The following RGS6 variants were observed in gnomAD, a reference collection of about 807,000 sequenced individuals.
The protein encoded by RGS6 is regulator of G-protein signaling 6.
A neutral mutation model predicts 78.5 loss-of-function variants in RGS6; 30 were observed. That is an observed-to-expected ratio of 0.38 (90% CI 0.29 to 0.52). RGS6 has a LOEUF of 0.52. Ranked by LOEUF, RGS6 falls within the 20% of genes least tolerant of loss-of-function variation. The pLI is 0.85. For synonymous variants in RGS6, 206 were observed against 206.0 expected, an observed-to-expected ratio of 1.00 and a Z score of 0.00; for missense variants, 495 against 609.7, an observed-to-expected ratio of 0.81 and a Z score of 1.98.
intron 3 of RGS6, among the ~76,000 whole-genome samples, chr14:72,415,442 C>A (rs1290820810): frequency 6.6e-6 from 1 of 152,232 alleles, no homozygotes; most frequent in Non-Finnish European, 1.5e-5. Flanking sequence ...GTCTGTCACC[C>A]CTTTCTTTGA....
chr14:72,442,369 A>T (rs2283381), intron 3 of RGS6, among the ~76,000 whole-genome samples: 16 of 151,968 alleles, frequency 1.1e-4, no homozygotes, highest in African/African-American at 3.1e-4. Flanking sequence ...CCACTGCTCA[A>T]TCAATCTCTT....
At position 72,392,187 on chromosome 14, in the gene RGS6, A is replaced by AATATATAT. The variant is rs59588686; in HGVS notation, c.184+40002_184+40009dup. 2.2e-3 allele frequency among the ~76,000 whole-genome samples: 326 copies of AATATATAT among 149,366 alleles called. 6 individuals carry two copies. The South Asian group carries it at 0.039, about 18-fold the overall frequency. ...ATATATATATACACATACATACACA[A>AATATATAT]ATATATATATATATATTTGTCACAA... is the stretch of plus-strand genomic sequence containing the variant. On this transcript the variant is annotated intron_variant, in intron 3 of 17. Coordinates refer to ENST00000553525, the MANE Select transcript of RGS6 (RefSeq NM_001204424.2).
chr14:72,385,060 T>C (rs963083803), intron 3 of RGS6, among the ~76,000 whole-genome samples: 12 of 152,180 alleles, frequency 7.9e-5, no homozygotes, highest in Non-Finnish European at 1.5e-4. Context: ...GGTTTGCATA[T>C]TTGTAACGGT....
chr14:71,971,810 A>G (rs762427932), intron 2 of RGS6, among the ~76,000 whole-genome samples: 3 of 151,528 alleles, frequency 2.0e-5, no homozygotes, highest in Non-Finnish European at 2.9e-5. Context: ...GGGCCGTTGG[A>G]ATGGTGGACT....
At chr14:72,142,983 A>G (rs983311253) in intron 2 of RGS6, among the ~76,000 whole-genome samples, 13 of 152,310 alleles carry the variant, frequency 8.5e-5, no homozygotes, top group Admixed American at 3.9e-4. Context: ...TCTTACTGAT[A>G]TCAGTGGCCA....
chr14:72,331,119 G>A (rs1238749479), intron 2 of RGS6, among the ~76,000 whole-genome samples: 1 of 152,120 alleles, frequency 6.6e-6, no homozygotes, highest in African/African-American at 2.4e-5. Context: ...GAGGACACAA[G>A]GTCACCTGGC....
At chr14:72,413,363 C>G (rs2093571502) in intron 3 of RGS6, among the ~76,000 whole-genome samples, 1 of 152,120 alleles carries the variant, frequency 6.6e-6, no homozygotes, top group Non-Finnish European at 1.5e-5. Context: ...GGTTTAAAGT[C>G]TGTTTTATCA....
At chr14:72,091,152 A>G (rs1157043499) in intron 2 of RGS6, among the ~76,000 whole-genome samples, 3 of 151,984 alleles carry the variant, frequency 2.0e-5, no homozygotes, top group Non-Finnish European at 4.4e-5. Context: ...ACAGATCTGC[A>G]GTGCCCTTGC....
chr14:72,452,337 G>A (rs1274104526), intron 3 of RGS6, among the ~76,000 whole-genome samples: 2 of 152,102 alleles, frequency 1.3e-5, no homozygotes, highest in Admixed American at 6.5e-5. Context: ...GTGAGGAGAA[G>A]CCTAGAAGTG....
the RGS6 span, among the ~76,000 whole-genome samples, chr14:72,607,596 G>C: frequency 6.6e-6 from 1 of 152,346 alleles, no homozygotes; most frequent in South Asian, 2.1e-4. Context: ...CGGGTTCCCT[G>C]GGGTTAAAGC....
chr14:72,279,265 C>T (rs2153946890), intron 2 of RGS6, among the ~76,000 whole-genome samples: 1 of 152,162 alleles, frequency 6.6e-6, no homozygotes, highest in East Asian at 1.9e-4. Context: ...TGTATGTATC[C>T]TGGAGGAGAT....
chr14:72,582,092 C>G, the RGS6 span, among the ~76,000 whole-genome samples: 3 of 152,154 alleles, frequency 2.0e-5, no homozygotes, highest in Admixed American at 2.0e-4. Context: ...ACAATCCAGT[C>G]TTGCAGAGGG....
intron 3 of RGS6, among the ~76,000 whole-genome samples, chr14:72,416,144 CAAAAA>C (rs5809572): frequency 2.1e-5 from 2 of 97,116 alleles, no homozygotes; most frequent in Admixed American, 1.1e-4. Flanking sequence ...GACTCTGTCT[CAAAAA>C]AAAAAAAAAA....
intron 17 of RGS6, among the ~76,000 whole-genome samples, chr14:72,555,398 TTCTC>T (rs1334555439): frequency 6.6e-6 from 1 of 152,232 alleles, no homozygotes; most frequent in Non-Finnish European, 1.5e-5. Flanking sequence ...GGCACCTCCT[TTCTC>T]TCAGGATTTC....
chr14:72,379,780 C>T (rs1255120864), intron 3 of RGS6, among the ~76,000 whole-genome samples: 2 of 151,846 alleles, frequency 1.3e-5, no homozygotes, highest in Non-Finnish European at 1.5e-5. Context: ...GCAATCTCTA[C>T]CAAAATAATG....
rs1598741775 is a variant in RGS6 at position 72,168,425 on chromosome 14, G to C, written c.85-183670G>C. Among the ~76,000 whole-genome samples, 3 of 152,200 alleles carry C rather than the reference G, an allele frequency of 2.0e-5. No individual in the cohort carries two copies. In the South Asian group the frequency reaches 6.2e-4, roughly 31 times the overall value. On this transcript the variant is annotated intron_variant, in intron 2 of 17. Coordinates refer to ENST00000553525, the MANE Select transcript of RGS6 (RefSeq NM_001204424.2). ...GTGACCCAGAGCATGGTCTAGAACT[G>C]TGCTGGGCAGCACAGCAGCCGCACA...
intron 2 of RGS6, among the ~76,000 whole-genome samples, chr14:72,345,725 T>G (rs1057072925): frequency 6.6e-6 from 1 of 152,230 alleles, no homozygotes; most frequent in Non-Finnish European, 1.5e-5. Context: ...CTTCTACCTG[T>G]TTTCATAACT....
At chr14:72,276,596 T>C (rs1422458395) in intron 2 of RGS6, among the ~76,000 whole-genome samples, 2 of 152,148 alleles carry the variant, frequency 1.3e-5, no homozygotes, top group Non-Finnish European at 2.9e-5. Context: ...TGGGAGATAA[T>C]TGAATCATGG....
chr14:72,049,248 A>C (rs528240597), intron 2 of RGS6, among the ~76,000 whole-genome samples: 1 of 152,340 alleles, frequency 6.6e-6, no homozygotes, highest in South Asian at 2.1e-4. Context: ...TTCTAGTAAT[A>C]GCAGGAGGAA....
Sources: allele counts gnomAD v4.1 joint callset (sites outside exome capture counted in the v4.1 genomes callset), GRCh38; gene constraint gnomAD v4.1.1; transcripts MANE v1.5; gene names NCBI Gene and HGNC (gene_info 2026-07-23, HGNC 2026-07-21).